NPAS3: variants seen among roughly 807,000 people sequenced by gnomAD.
NPAS3 encodes the protein neuronal PAS domain-containing protein 3.
A neutral mutation model predicts 73.1 loss-of-function variants in NPAS3; 14 were observed. That is an observed-to-expected ratio of 0.19 (90% CI 0.13 to 0.30). The LOEUF (loss-of-function observed/expected upper bound fraction) is 0.30. NPAS3 is among the 10% of genes least tolerant of loss of function. The pLI is 1.00. For synonymous variants in NPAS3, 620 were observed against 541.5 expected, an observed-to-expected ratio of 1.14 and a Z score of -2.01; for missense variants, 1,096 against 1,250.0, an observed-to-expected ratio of 0.88 and a Z score of 1.86.
chr14:33,651,717 GA>G (rs2058999729), intron 5 of NPAS3, among the ~76,000 whole-genome samples: 1 of 152,018 alleles, frequency 6.6e-6, no homozygotes, highest in East Asian at 1.9e-4. Context: ...TCATTATGAA[GA>G]GGAAAAAAAC....
chr14:33,016,449 G>A (rs2039396410), intron 1 of NPAS3, among the ~76,000 whole-genome samples: 1 of 151,892 alleles, frequency 6.6e-6, no homozygotes, highest in South Asian at 2.1e-4. Flanking sequence ...ATTGAGTGAT[G>A]GCCTGTGGAT....
chr14:33,693,688 G>C (rs1209119955), intron 6 of NPAS3, among the ~76,000 whole-genome samples: 1 of 152,144 alleles, frequency 6.6e-6, no homozygotes, highest in Non-Finnish European at 1.5e-5. Context: ...GAGTTTGTCA[G>C]ATGTGATTCT....
intron 4 of NPAS3, among the ~76,000 whole-genome samples, chr14:33,518,702 T>C (rs1161408712): frequency 1.3e-5 from 2 of 151,196 alleles, no homozygotes; most frequent in Non-Finnish European, 2.9e-5. Flanking sequence ...AGTTAACTCC[T>C]ACATATTAGT....
intron 2 of NPAS3, among the ~76,000 whole-genome samples, chr14:33,124,756 C>G (rs1174203636): frequency 6.6e-6 from 1 of 152,030 alleles, no homozygotes; most frequent in Non-Finnish European, 1.5e-5. Context: ...AAGACACTGT[C>G]TTTTAAGCAG....
At chr14:33,191,020 T>C (rs1194125987) in intron 2 of NPAS3, among the ~76,000 whole-genome samples, 1 of 152,184 alleles carries the variant, frequency 6.6e-6, no homozygotes, top group African/African-American at 2.4e-5. Flanking sequence ...ATTCAGAATT[T>C]TGGTGAATCT....
At chr14:33,257,363 T>C (rs1434155755) in intron 3 of NPAS3, among the ~76,000 whole-genome samples, 1 of 152,190 alleles carries the variant, frequency 6.6e-6, no homozygotes, top group Non-Finnish European at 1.5e-5. Flanking sequence ...TTGGGCTTTA[T>C]TCCTTTAATG....
intron 1 of NPAS3, among the ~76,000 whole-genome samples, chr14:33,016,595 G>A (rs1487151133): frequency 3.1e-5 from 4 of 130,234 alleles, no homozygotes; most frequent in African/African-American, 5.6e-5. Flanking sequence ...TTAAAGTTGT[G>A]TATGGAAACA....
At chr14:33,767,970 T>C (rs1209185236) in intron 7 of NPAS3, among the ~76,000 whole-genome samples, 1 of 152,194 alleles carries the variant, frequency 6.6e-6, no homozygotes, top group Non-Finnish European at 1.5e-5. Context: ...CCAAATAATG[T>C]GGCTTGTTAA....
intron 5 of NPAS3, among the ~76,000 whole-genome samples, chr14:33,636,546 G>A (rs886569327): frequency 6.6e-6 from 1 of 152,196 alleles, no homozygotes; most frequent in Non-Finnish European, 1.5e-5. Context: ...CTGCCATGTA[G>A]TCACTCACTT....
At chr14:33,320,448 T>G (rs969861864) in intron 3 of NPAS3, among the ~76,000 whole-genome samples, 3 of 152,068 alleles carry the variant, frequency 2.0e-5, no homozygotes, top group African/African-American at 7.2e-5. Context: ...TAAAAAAAAT[T>G]TTTAAAAAAG....
At chr14:33,503,862 A>G (rs1031565148) in intron 4 of NPAS3, among the ~76,000 whole-genome samples, 1 of 152,010 alleles carries the variant, frequency 6.6e-6, no homozygotes, top group African/African-American at 2.4e-5. Flanking sequence ...TATTTAGTGT[A>G]CAAGGAAACA....
chr14:33,713,381 A>G (rs755490241), intron 6 of NPAS3, among the ~76,000 whole-genome samples: 1 of 152,242 alleles, frequency 6.6e-6, no homozygotes, highest in Non-Finnish European at 1.5e-5. Flanking sequence ...AGCCATGTCC[A>G]GATGAAGACA....
intron 2 of NPAS3, among the ~76,000 whole-genome samples, chr14:33,176,838 A>G (rs780771077): frequency 6.6e-6 from 1 of 152,090 alleles, no homozygotes; most frequent in Non-Finnish European, 1.5e-5. Flanking sequence ...TTCTACCAGC[A>G]ATGTATGGGG....
intron 4 of NPAS3, among the ~76,000 whole-genome samples, chr14:33,429,789 G>T (rs963259362): frequency 1.3e-5 from 2 of 152,128 alleles, no homozygotes; most frequent in East Asian, 1.9e-4. Context: ...TGGATGTTAT[G>T]ATGATATGTG....
At chr14:33,475,197 A>C (rs1212215434) in intron 4 of NPAS3, among the ~76,000 whole-genome samples, 1 of 152,234 alleles carries the variant, frequency 6.6e-6, no homozygotes, top group Non-Finnish European at 1.5e-5. Flanking sequence ...TAAAACGAAA[A>C]GAGAAGGCCT....
chr14:33,334,865 T>G (rs1290882372), intron 3 of NPAS3, among the ~76,000 whole-genome samples: 1 of 152,188 alleles, frequency 6.6e-6, no homozygotes, highest in Non-Finnish European at 1.5e-5. Context: ...GTATCATTCT[T>G]ATGTCTTTGC....
chr14:33,434,105 C>T (rs1594898437), intron 4 of NPAS3, among the ~76,000 whole-genome samples: 2 of 152,044 alleles, frequency 1.3e-5, no homozygotes, highest in South Asian at 2.1e-4. Flanking sequence ...GGCAGCAGAA[C>T]CGCTTGAACC....
chr14:33,653,967 G>A (rs2059072709), intron 5 of NPAS3, among the ~76,000 whole-genome samples: 1 of 152,156 alleles, frequency 6.6e-6, no homozygotes, highest in African/African-American at 2.4e-5. Flanking sequence ...TCACAAAAGA[G>A]AAAGTCTCCC....
chr14:33,158,949 A>G (rs117647097), intron 2 of NPAS3, among the ~76,000 whole-genome samples: 10,353 of 152,090 alleles, frequency 0.068, 788 homozygotes, highest in African/African-American at 0.18. Context: ...GATCACCTGA[A>G]GTCAGGAGTT....
Sources: allele counts gnomAD v4.1 joint callset (sites outside exome capture counted in the v4.1 genomes callset), GRCh38; gene constraint gnomAD v4.1.1; transcripts MANE v1.5; gene names NCBI Gene and HGNC (gene_info 2026-07-23, HGNC 2026-07-21).